ESR1: variants seen among roughly 807,000 people sequenced by gnomAD.
ESR1 encodes estrogen receptor.
Under a neutral mutation model 52.7 loss-of-function variants are expected in ESR1, and 12 were observed. The observed-to-expected ratio is 0.23, with a 90% CI of 0.15 to 0.37. The LOEUF is 0.37. Among genes scored for constraint, ESR1 ranks in the 10% least tolerant of loss-of-function variants. The pLI, the probability that ESR1 is intolerant of heterozygous loss-of-function variation, is 1.00. For missense variants in ESR1, 584 were observed against 779.7 expected (o/e 0.75, Z 2.99); for synonymous variants, 305 against 316.8 (o/e 0.96, Z 0.39).
At chr6:151,714,228 C>T (rs1438223272) in intron 2 of ESR1, among the ~76,000 whole-genome samples, 1 of 152,112 alleles carries the variant, frequency 6.6e-6, no homozygotes, top group Non-Finnish European at 1.5e-5. Flanking sequence ...CATTCTTTTG[C>T]ATTTGCTGAG....
At chr6:151,845,840 A>C (rs1227546535) in intron 2 of ESR1, among the ~76,000 whole-genome samples, 1 of 152,164 alleles carries the variant, frequency 6.6e-6, no homozygotes, top group Non-Finnish European at 1.5e-5. Flanking sequence ...AAAATTATTC[A>C]GTTCTTCATT....
At chr6:151,737,183 T>C (rs1782742963) in intron 2 of ESR1, among the ~76,000 whole-genome samples, 1 of 152,230 alleles carries the variant, frequency 6.6e-6, no homozygotes, top group African/African-American at 2.4e-5. Flanking sequence ...ATCATTTCCA[T>C]AATTGAATTT....
chr6:151,664,518 C>G (rs1777750940), intron 1 of ESR1, among the ~76,000 whole-genome samples: 1 of 152,060 alleles, frequency 6.6e-6, no homozygotes, highest in African/African-American at 2.4e-5. Context: ...TGAAAAATAC[C>G]AGACACAGAT....
intron 4 of ESR1, among the ~76,000 whole-genome samples, chr6:152,000,119 T>C (rs1268056667): frequency 6.6e-6 from 1 of 152,076 alleles, no homozygotes; most frequent in Admixed American, 6.6e-5. Flanking sequence ...ATGTGATAGA[T>C]ACTTTTTATA....
intron 1 of ESR1, chr6:151,813,588 T>C (rs1583422028): frequency 6.6e-6 from 1 of 152,198 alleles, no homozygotes; most frequent in East Asian, 1.9e-4. Flanking sequence ...TAGAAACTTA[T>C]TAAGTACCTA....
At position 151,774,576 on chromosome 6, in the gene ESR1, C is replaced by T. The variant is rs1020856402; in HGVS notation, c.-70-33267C>T. 8.5e-5 allele frequency among the ~76,000 whole-genome samples: 13 copies of T among 152,258 alleles called. No homozygotes were observed. The East Asian group carries it at 2.5e-3, about 29-fold the overall frequency. On this transcript the variant is annotated intron_variant, in intron 2 of 2. Transcript: ENST00000404742. ...TGGCCCTCACACAGTACTGGTAGGG[C>T]TGGGATGTTATTGCTTTTGTCCACC...
In ESR1 at chr6:151,878,770, G is replaced by A. The variant is rs562479086; in HGVS notation, c.644-1885G>A. On this transcript the variant is annotated intron_variant, in intron 2 of 7. Transcript: ENST00000206249. ...GTCTAAATTCAGGACATTTCCCCAA[G>A]ATATGTAAGAATTTAGACTTATGCA... 2.0e-5 allele frequency among the ~76,000 whole-genome samples: 3 copies of A among 152,268 alleles called. No homozygotes were observed. The South Asian group carries it at 6.2e-4, about 32-fold the overall frequency.
chr6:151,690,975 G>A (rs1451823809), intron 1 of ESR1, among the ~76,000 whole-genome samples: 1 of 152,188 alleles, frequency 6.6e-6, no homozygotes, highest in Non-Finnish European at 1.5e-5. Context: ...TAACATAAAT[G>A]TATTGGATCT....
At chr6:151,778,640 A>G (rs1431064005) in intron 2 of ESR1, among the ~76,000 whole-genome samples, 2 of 151,810 alleles carry the variant, frequency 1.3e-5, no homozygotes, top group Non-Finnish European at 2.9e-5. Flanking sequence ...TCCTAACCTC[A>G]AGTGATCTGC....
intron 3 of ESR1, among the ~76,000 whole-genome samples, chr6:151,892,352 A>T (rs1370113376): frequency 6.6e-6 from 1 of 152,182 alleles, no homozygotes; most frequent in African/African-American, 2.4e-5. Flanking sequence ...TTTCAAGCTC[A>T]ATTTAGAACA....
rs527459192 is a variant in ESR1 at position 151,705,813 on chromosome 6, T to C, written c.-71+3808T>C. On this transcript the variant is annotated intron_variant, in intron 2 of 2. Coordinates refer to the ESR1 transcript ENST00000404742. ...TGGCAAGAGGAAGGGACTGGTTTTA[T>C]TAATTTATCAGTCTGGGTGTGTGCT... 3.9e-5 allele frequency among the ~76,000 whole-genome samples: 6 copies of C among 152,340 alleles called. No homozygotes were observed. In the East Asian group the frequency reaches 1.2e-3, roughly 29 times the overall value.
At chr6:152,014,356 T>C (rs2043005380) in intron 5 of ESR1, among the ~76,000 whole-genome samples, 2 of 152,080 alleles carry the variant, frequency 1.3e-5, no homozygotes, top group Admixed American at 1.3e-4. Flanking sequence ...TAACTAACAA[T>C]GTCTCCGGAC....
chr6:151,985,865 A>G (rs1236202213), intron 4 of ESR1, among the ~76,000 whole-genome samples: 1 of 151,746 alleles, frequency 6.6e-6, no homozygotes, highest in South Asian at 2.1e-4. Context: ...ACAGGGTTTC[A>G]CCACGTTGGC....
At chr6:152,017,117 C>A (rs1265190768) in intron 5 of ESR1, among the ~76,000 whole-genome samples, 1 of 152,116 alleles carries the variant, frequency 6.6e-6, no homozygotes, top group African/African-American at 2.4e-5. Flanking sequence ...TTAGTATTGG[C>A]AAATGGGGTT....
At chr6:151,964,624 A>G (rs1218402956) in intron 4 of ESR1, among the ~76,000 whole-genome samples, 2 of 144,168 alleles carry the variant, frequency 1.4e-5, no homozygotes, top group Non-Finnish European at 3.0e-5. Flanking sequence ...AACAGAGACA[A>G]TTTCATTTCC....
chr6:151,844,183 C>G (rs1169344731), intron 2 of ESR1, among the ~76,000 whole-genome samples: 1 of 151,338 alleles, frequency 6.6e-6, no homozygotes, highest in Non-Finnish European at 1.5e-5. Context: ...TATATGCACA[C>G]AGGCTATTTA....
intron 6 of ESR1, among the ~76,000 whole-genome samples, chr6:152,119,214 A>C (rs534635006): frequency 6.6e-6 from 1 of 152,294 alleles, no homozygotes; most frequent in East Asian, 1.9e-4. Flanking sequence ...GGTGTAGGCT[A>C]TCAATCAATC....
chr6:152,059,272 T>C (rs184171442), intron 5 of ESR1, among the ~76,000 whole-genome samples: 27 of 152,092 alleles, frequency 1.8e-4, no homozygotes, highest in African/African-American at 6.3e-4. Context: ...GAAGGAAATA[T>C]AAGATAATTT....
intron 4 of ESR1, among the ~76,000 whole-genome samples, chr6:151,959,952 T>G (rs991229914): frequency 6.6e-6 from 1 of 152,208 alleles, no homozygotes; most frequent in Non-Finnish European, 1.5e-5. Flanking sequence ...TGTGTTCAAG[T>G]GTTTATAAAT....
Sources: gnomAD v4.1 joint callset for allele counts (sites outside exome capture counted in the v4.1 genomes callset) on GRCh38, gnomAD v4.1.1 for gene constraint, MANE v1.5 for transcripts, NCBI Gene and HGNC (gene_info 2026-07-23, HGNC 2026-07-21) for gene names.